Variants in IPO11 observed in about 807,000 individuals in gnomAD.
The protein encoded by IPO11 is importin-11.
A neutral mutation model predicts 143.2 loss-of-function variants in IPO11; 66 were observed. The observed-to-expected ratio is 0.46, with a 90% CI of 0.38 to 0.57. The LOEUF is 0.57. Ranked by LOEUF, IPO11 falls within the 20% of genes least tolerant of loss-of-function variation. The pLI, the probability that IPO11 is intolerant of heterozygous loss-of-function variation, is 0.00. For missense variants in IPO11, 1,026 were observed against 1,141.0 expected (o/e 0.90, Z 1.45); for synonymous variants, 385 against 377.8 (o/e 1.02, Z -0.22).
intron 1 of IPO11, among the ~76,000 whole-genome samples, chr5:62,420,722 G>A (rs900161624): frequency 2.0e-5 from 3 of 152,016 alleles, no homozygotes; most frequent in Admixed American, 1.3e-4. Flanking sequence ...TGGGACTACA[G>A]GTGTGCCCCA....
intron 27 of IPO11, among the ~76,000 whole-genome samples, chr5:62,570,374 T>C (rs935475486): frequency 5.9e-5 from 9 of 152,202 alleles, no homozygotes; most frequent in African/African-American, 2.2e-4. Context: ...TATGTTAGGA[T>C]TTGAATGGAA....
chr5:62,561,226 G>A lies in IPO11; in HGVS notation c.2551G>A (p.Ala851Thr). 1 of 1,594,458 alleles carries A rather than the reference G, an allele frequency of 6.3e-7. No homozygotes were observed. The highest frequency in any genetic ancestry group is 8.5e-7 in the Non-Finnish European group (1 of 1,170,054). Reference sequence around the variant, plus strand: ...TGAAAGAAGAAAACTTTCAGCTTTGGCTTTGCTCTCTCTTCTGCCATCTGA... The same window carrying A: ...TGAAAGAAGAAAACTTTCAGCTTTGACTTTGCTCTCTCTTCTGCCATCTGA... ...QPERRKLSAL[A>T]LLSLLPSDNS... Residue 851 changes from alanine to threonine, a missense_variant, in exon 27 of 30, where the codon GCT becomes ACT. This residue lies in a region of IPO11 where 351 missense variants were observed against 358.9 expected (regional missense o/e 0.98). Coordinates refer to ENST00000325324, the MANE Select transcript of IPO11 (RefSeq NM_016338.5).
intron 29 of IPO11, among the ~76,000 whole-genome samples, chr5:62,605,695 AT>A (rs1470578980): frequency 2.0e-5 from 3 of 150,422 alleles, no homozygotes; most frequent in African/African-American, 7.3e-5. Context: ...TCACAACTCT[AT>A]GATACCAGCT....
At chr5:62,467,881 A>G (rs1745625149) in intron 6 of IPO11, among the ~76,000 whole-genome samples, 1 of 152,054 alleles carries the variant, frequency 6.6e-6, no homozygotes, top group African/African-American at 2.4e-5. Flanking sequence ...TTATTCTCTT[A>G]CTTTTCTAGT....
chr5:62,571,175 A>G (rs142741677), intron 27 of IPO11, among the ~76,000 whole-genome samples: 196 of 152,072 alleles, frequency 1.3e-3, no homozygotes, highest in Non-Finnish European at 2.1e-3. Flanking sequence ...ATTTTATTTC[A>G]TTTTATTTTT....
At chr5:62,545,555 T>C (rs567353308) in intron 24 of IPO11, among the ~76,000 whole-genome samples, 3 of 152,284 alleles carry the variant, frequency 2.0e-5, no homozygotes, top group South Asian at 2.1e-4. Flanking sequence ...ACTTCATGTC[T>C]AAAACACCAA....
rs181120659 is a variant in IPO11 at position 62,428,622 on chromosome 5, G to A, written c.-6-8652G>A. On this transcript the variant is annotated intron_variant, in intron 1 of 29. Coordinates refer to ENST00000325324, the MANE Select transcript of IPO11 (RefSeq NM_016338.5). Reference sequence around the variant, plus strand: ...CTCCCAAAGTGCTGGGATTACAAGCGTGAGCCCCCGCGCCTGGCTATAAGT... The same window carrying A: ...CTCCCAAAGTGCTGGGATTACAAGCATGAGCCCCCGCGCCTGGCTATAAGT... Among the ~76,000 whole-genome samples the A allele has an allele frequency of 9.9e-5, 15 of 152,128 alleles. No homozygotes were observed. The East Asian group carries it at 1.7e-3, about 18-fold the overall frequency.
chr5:62,619,881 A>G (rs944544920), intron 29 of IPO11, among the ~76,000 whole-genome samples: 2 of 152,048 alleles, frequency 1.3e-5, no homozygotes. Flanking sequence ...AAACTGCACA[A>G]ACATACCACT....
At chr5:62,445,524 A>G (rs1454726089) in intron 3 of IPO11, among the ~76,000 whole-genome samples, 4 of 152,104 alleles carry the variant, frequency 2.6e-5, no homozygotes, top group Non-Finnish European at 4.4e-5. Context: ...TGATGCGAAA[A>G]CAATATATAT....
intron 5 of IPO11, among the ~76,000 whole-genome samples, chr5:62,460,284 T>G (rs1162718660): frequency 1.3e-5 from 2 of 152,042 alleles, no homozygotes; most frequent in South Asian, 4.1e-4. Context: ...ATCTTTTAAT[T>G]TTGAATAGTA....
At position 62,604,854 on chromosome 5, in the gene IPO11, A is replaced by C. The variant is rs375778350; in HGVS notation, c.2763+3006A>C. 1.6e-4 allele frequency among the ~76,000 whole-genome samples: 24 copies of C among 152,326 alleles called. 1 individual carries two copies. In the East Asian group the frequency reaches 2.1e-3, roughly 13 times the overall value. On this transcript the variant is annotated intron_variant, in intron 29 of 29. Coordinates refer to ENST00000325324, the MANE Select transcript of IPO11 (RefSeq NM_016338.5). The stretch of plus-strand genomic sequence containing the variant: ...TATTGTATAACATTTAATAAATCCA[A>C]TTATGAATACATGCTAATTTTCCAA...
intron 9 of IPO11, among the ~76,000 whole-genome samples, chr5:62,477,084 G>C (rs984696182): frequency 6.6e-6 from 1 of 152,156 alleles, no homozygotes; most frequent in African/African-American, 2.4e-5. Flanking sequence ...AGTTCAGCTA[G>C]AAGTAGATCA....
chr5:62,620,731 A>G (rs888345330), intron 29 of IPO11, among the ~76,000 whole-genome samples: 3 of 152,200 alleles, frequency 2.0e-5, no homozygotes, highest in Admixed American at 6.5e-5. Context: ...CAGGCTTCAA[A>G]GAGAATAAAT....
chr5:62,580,687 G>T (rs752263397), intron 27 of IPO11: 1 of 1,551,458 alleles, frequency 6.4e-7, no homozygotes, highest in Non-Finnish European at 8.7e-7. Context: ...AGCTTGGGCT[G>T]TTGTAAAATC....
At chr5:62,537,379 GAGA>G in intron 24 of IPO11, 90 bp downstream of exon 24, 1 of 843,672 alleles carries the variant, frequency 1.2e-6, no homozygotes, top group East Asian at 2.7e-5. Context: ...TCGCAAGAAG[GAGA>G]AGAGTTGATA....
At chr5:62,431,222 G>A (rs189904823) in intron 1 of IPO11, among the ~76,000 whole-genome samples, 2 of 152,042 alleles carry the variant, frequency 1.3e-5, no homozygotes, top group East Asian at 3.9e-4. Context: ...CAGGTGATCC[G>A]CCCACCTCGA....
chr5:62,600,842 C>T (rs1011048375), intron 28 of IPO11, among the ~76,000 whole-genome samples: 9 of 152,214 alleles, frequency 5.9e-5, no homozygotes, highest in Non-Finnish European at 2.9e-5. Flanking sequence ...GAGGCAGTCA[C>T]TCCAAACATT....
intron 16 of IPO11, among the ~76,000 whole-genome samples, chr5:62,503,017 G>A (rs1013049644): frequency 4.6e-5 from 7 of 151,970 alleles, no homozygotes; most frequent in Non-Finnish European, 1.0e-4. Flanking sequence ...TAGAGATGGG[G>A]TTTCACCATG....
At chr5:62,484,267 T>G in intron 11 of IPO11, 105 bp downstream of exon 11, 1 of 897,126 alleles carries the variant, frequency 1.1e-6, no homozygotes, top group South Asian at 2.7e-5. Context: ...ACTTTTGATC[T>G]GGAAATCTTG....
Sources: gnomAD v4.1 joint callset for allele counts (sites outside exome capture counted in the v4.1 genomes callset) on GRCh38, gnomAD v4.1.1 for gene constraint, gnomAD v4.1.1 regional missense constraint, MANE v1.5 for transcripts, NCBI Gene and HGNC (gene_info 2026-07-23, HGNC 2026-07-21) for gene names.